PTPRD: variants seen among roughly 807,000 people sequenced by gnomAD.
PTPRD encodes the protein receptor-type tyrosine-protein phosphatase delta.
Under a neutral mutation model 214.5 loss-of-function variants are expected in PTPRD, and 34 were observed. The observed-to-expected ratio is 0.16, with a 90% CI of 0.12 to 0.21. PTPRD has a LOEUF of 0.21. PTPRD is among the 10% of genes least tolerant of loss of function. PTPRD has a pLI of 1.00. For missense variants in PTPRD, 2,545 were observed against 2,398.7 expected, an observed-to-expected ratio of 1.06 and a Z score of -1.27; for synonymous variants, 1,128 against 845.7, an observed-to-expected ratio of 1.33 and a Z score of -5.79.
chr9:9,474,379 G>A (rs1330425268), intron 8 of PTPRD, among the ~76,000 whole-genome samples: 3 of 151,746 alleles, frequency 2.0e-5, no homozygotes, highest in Admixed American at 6.6e-5. Flanking sequence ...TTTTGAAGTC[G>A]GGTCCAGCTT....
At chr9:8,674,550 A>G (rs1350674245) in intron 12 of PTPRD, among the ~76,000 whole-genome samples, 1 of 151,854 alleles carries the variant, frequency 6.6e-6, no homozygotes, top group African/African-American at 2.4e-5. Context: ...TGGCTAAAAA[A>G]TTAGTTCTGC....
chr9:8,354,234 T>C (rs2076410462), intron 39 of PTPRD, among the ~76,000 whole-genome samples: 1 of 152,024 alleles, frequency 6.6e-6, no homozygotes, highest in Non-Finnish European at 1.5e-5. Flanking sequence ...CTAGAATCCA[T>C]AGTTCATCAA....
In PTPRD at chr9:9,577,544, C is replaced by T. The variant is rs1431186025; in HGVS notation, c.-286-2763G>A. ...GTGCCACTGCATCCAGCCTGGGGGA[C>T]AAAGTAAGACCTTGTCTCAAAAAAT... is the stretch of plus-strand genomic sequence containing the variant. On this transcript the variant is annotated intron_variant, in intron 7 of 45. Coordinates refer to ENST00000381196, the MANE Select transcript of PTPRD (RefSeq NM_002839.4). Among the ~76,000 whole-genome samples, 4 of 151,408 alleles carry T rather than the reference C, an allele frequency of 2.6e-5. 1 individual carries two copies.
rs145625376 is a variant in PTPRD, at chr9:8,832,156, A to G, written c.-103-98210T>C. ...TGTGTATGATCTATACATATGTCTGATGACTACCAAGACAGTACCTAAATA... is the reference window on the plus strand; with the variant it reads ...TGTGTATGATCTATACATATGTCTGGTGACTACCAAGACAGTACCTAAATA... On this transcript the variant is annotated intron_variant, in intron 11 of 45. Transcript: ENST00000381196. Among the ~76,000 whole-genome samples, 64 of 151,570 alleles carry G rather than the reference A, an allele frequency of 4.2e-4. No homozygotes were observed. In the East Asian group the frequency reaches 0.012, roughly 29 times the overall value.
intron 20 of PTPRD, among the ~76,000 whole-genome samples, chr9:8,519,321 CAGA>C (rs1193129773): frequency 6.6e-6 from 1 of 152,092 alleles, no homozygotes; most frequent in Non-Finnish European, 1.5e-5. Context: ...TTCTTTTTAG[CAGA>C]AGAATACAAA....
intron 11 of PTPRD, among the ~76,000 whole-genome samples, chr9:8,837,682 T>C: frequency 6.6e-6 from 1 of 151,878 alleles, no homozygotes; most frequent in African/African-American, 2.4e-5. Flanking sequence ...TTTTATTTTT[T>C]GTAAAGGTGA....
chr9:9,030,761 G>C (rs990297242), intron 10 of PTPRD, among the ~76,000 whole-genome samples: 4 of 151,802 alleles, frequency 2.6e-5, no homozygotes, highest in Admixed American at 6.6e-5. Flanking sequence ...AATTCAACAA[G>C]GTGCTAAGAT....
At chr9:9,373,973 G>C (rs559153043) in intron 9 of PTPRD, among the ~76,000 whole-genome samples, 26 of 151,210 alleles carry the variant, frequency 1.7e-4, no homozygotes, top group Non-Finnish European at 2.5e-4. Flanking sequence ...TTTTAATTTG[G>C]CTTACGGTAG....
intron 10 of PTPRD, among the ~76,000 whole-genome samples, chr9:9,122,120 T>C (rs935566876): frequency 6.6e-6 from 1 of 152,174 alleles, no homozygotes; most frequent in African/African-American, 2.4e-5. Flanking sequence ...TGATTAACAG[T>C]AGCAGACTTC....
intron 9 of PTPRD, among the ~76,000 whole-genome samples, chr9:9,193,341 G>A (rs2099936380): frequency 6.6e-6 from 1 of 152,078 alleles, no homozygotes; most frequent in African/African-American, 2.4e-5. Context: ...GCTATTTGAA[G>A]CCTATTTTAA....
At chr9:8,353,824 GTATATATGTATA>G (rs2076173094) in intron 39 of PTPRD, among the ~76,000 whole-genome samples, 13 of 7,890 alleles carry the variant, frequency 1.6e-3, no homozygotes, top group African/African-American at 5.6e-3. Context: ...AAAAATATAT[GTATATATGTATA>G]TATGTATATA....
At chr9:8,617,925 C>T (rs972019072) in intron 14 of PTPRD, among the ~76,000 whole-genome samples, 1 of 152,028 alleles carries the variant, frequency 6.6e-6, no homozygotes, top group African/African-American at 2.4e-5. Context: ...GTCTTTGAGT[C>T]TTGCTCATTT....
At chr9:9,712,248 C>A (rs2097751079) in intron 7 of PTPRD, among the ~76,000 whole-genome samples, 1 of 152,054 alleles carries the variant, frequency 6.6e-6, no homozygotes. Context: ...AAAATAATAA[C>A]ATTTCTCATT....
chr9:9,779,872 G>A (rs183901497), intron 5 of PTPRD, among the ~76,000 whole-genome samples: 1 of 152,248 alleles, frequency 6.6e-6, no homozygotes, highest in East Asian at 1.9e-4. Flanking sequence ...ACTTAAAATA[G>A]AGCTACCATT....
chr9:10,022,669 T>C (rs2096846825), intron 4 of PTPRD, among the ~76,000 whole-genome samples: 1 of 152,208 alleles, frequency 6.6e-6, no homozygotes, highest in South Asian at 2.1e-4. Context: ...AAAAAAATCA[T>C]TAAATTAATT....
At chr9:8,679,354 A>C (rs1244865367) in intron 12 of PTPRD, among the ~76,000 whole-genome samples, 9 of 152,186 alleles carry the variant, frequency 5.9e-5, no homozygotes, top group Non-Finnish European at 1.3e-4. Context: ...CTGCTTCAAA[A>C]TTCCTAAACT....
At chr9:9,907,930 C>A (rs556973253) in intron 5 of PTPRD, among the ~76,000 whole-genome samples, 58 of 151,998 alleles carry the variant, frequency 3.8e-4, no homozygotes, top group Non-Finnish European at 3.8e-4. Context: ...TAACAACTCA[C>A]AATTTTTGCA....
intron 9 of PTPRD, among the ~76,000 whole-genome samples, chr9:9,221,446 T>C (rs1242936439): frequency 6.6e-6 from 1 of 152,048 alleles, no homozygotes. Flanking sequence ...ATAGACTGAA[T>C]GGCTTAAAGG....
chr9:9,097,623 G>T (rs936790237), intron 10 of PTPRD, among the ~76,000 whole-genome samples: 1 of 151,902 alleles, frequency 6.6e-6, no homozygotes, highest in Non-Finnish European at 1.5e-5. Flanking sequence ...TGTCAGCCAG[G>T]ATGGTCTCAA....
Sources: allele counts gnomAD v4.1 joint callset (sites outside exome capture counted in the v4.1 genomes callset), GRCh38; gene constraint gnomAD v4.1.1; transcripts MANE v1.5; gene names NCBI Gene and HGNC (gene_info 2026-07-23, HGNC 2026-07-21).